The following STK33 variants were observed in gnomAD, a reference collection of about 807,000 sequenced individuals.
STK33 encodes the protein serine/threonine-protein kinase 33.
In STK33, 52 loss-of-function variants were observed where a neutral mutation model predicts 58.0. The ratio of observed to expected loss-of-function variants is 0.90; its 90% CI spans 0.72 to 1.13. The LOEUF is 1.13. Among genes scored for constraint, STK33 ranks in the 50% most tolerant of loss-of-function variants. STK33 has a pLI of 0.00. For synonymous variants in STK33, 215 were observed against 200.1 expected, an observed-to-expected ratio of 1.07 and a Z score of -0.63; for missense variants, 630 against 604.2, an observed-to-expected ratio of 1.04 and a Z score of -0.45.
chr11:8,524,730 A>C (rs1953880695), intron 1 of STK33, among the ~76,000 whole-genome samples: 1 of 152,076 alleles, frequency 6.6e-6, no homozygotes, highest in Admixed American at 6.6e-5. Flanking sequence ...GTTTTGTTTT[A>C]CTTCATTCAC....
the STK33 span, among the ~76,000 whole-genome samples, chr11:8,368,761 A>C: frequency 6.6e-6 from 1 of 151,952 alleles, no homozygotes; most frequent in Non-Finnish European, 1.5e-5. Context: ...ACTTCCCATT[A>C]ATCTCAGGAT....
the STK33 span, among the ~76,000 whole-genome samples, chr11:8,384,229 C>A: frequency 6.6e-6 from 1 of 152,266 alleles, no homozygotes; most frequent in South Asian, 2.1e-4. Flanking sequence ...CAAGGAATAA[C>A]CAGCCAGTGC....
At chr11:8,356,906 G>C in the STK33 span, among the ~76,000 whole-genome samples, 1 of 152,206 alleles carries the variant, frequency 6.6e-6, no homozygotes, top group African/African-American at 2.4e-5. Flanking sequence ...CTGTGCAAGA[G>C]AGACAGGAGC....
At chr11:8,419,705 G>A (rs917724060) in intron 14 of STK33, among the ~76,000 whole-genome samples, 6 of 152,026 alleles carry the variant, frequency 3.9e-5, no homozygotes, top group Non-Finnish European at 7.4e-5. Context: ...TGATTCTTCC[G>A]ATCCATGAGC....
At chr11:8,500,190 C>T (rs932752976) in intron 1 of STK33, among the ~76,000 whole-genome samples, 6 of 151,850 alleles carry the variant, frequency 4.0e-5, no homozygotes, top group African/African-American at 1.5e-4. Flanking sequence ...TACTGGAGGT[C>T]CTACACTACA....
downstream of STK33, among the ~76,000 whole-genome samples, chr11:8,391,248 GA>G (rs1285208072): frequency 6.6e-6 from 1 of 152,194 alleles, no homozygotes; most frequent in Non-Finnish European, 1.5e-5. Context: ...CAAGAAGGGA[GA>G]AAGATCTTGA....
intron 1 of STK33, among the ~76,000 whole-genome samples, chr11:8,482,886 C>A (rs368564556): frequency 2.0e-5 from 3 of 151,800 alleles, no homozygotes; most frequent in Non-Finnish European, 2.9e-5. Context: ...CCCACCACCA[C>A]GCCCAGCTAA....
At chr11:8,464,123 G>C (rs1306001955) in intron 7 of STK33, among the ~76,000 whole-genome samples, 3 of 152,158 alleles carry the variant, frequency 2.0e-5, no homozygotes, top group Non-Finnish European at 4.4e-5. Context: ...TTGATGAAAT[G>C]ATCAGGTGTA....
chr11:8,483,424 T>C lies in STK33; in HGVS notation c.-465-2810A>G, dbSNP rs561737287. ...AAATAAGAGTATTTTCACTGAAGAATAGGCACAAAAGATGGATGGGGTGGA... is the reference window on the plus strand; with the variant it reads ...AAATAAGAGTATTTTCACTGAAGAACAGGCACAAAAGATGGATGGGGTGGA... On this transcript the variant is annotated intron_variant, in intron 1 of 15. Coordinates refer to ENST00000687296, the MANE Select transcript of STK33 (RefSeq NM_001352389.2). Among the ~76,000 whole-genome samples the C allele has an allele frequency of 5.9e-5, 9 of 152,228 alleles. No homozygotes were observed. The East Asian group carries it at 1.5e-3, about 26-fold the overall frequency.
chr11:8,545,222 C>T (rs1045236284), intron 1 of STK33, among the ~76,000 whole-genome samples: 3 of 152,164 alleles, frequency 2.0e-5, no homozygotes, highest in Non-Finnish European at 2.9e-5. Context: ...AAATCCATTA[C>T]CTAGACATGC....
chr11:8,513,587 C>G (rs747912157), intron 1 of STK33, among the ~76,000 whole-genome samples: 2 of 152,178 alleles, frequency 1.3e-5, no homozygotes, highest in Admixed American at 1.3e-4. Flanking sequence ...ATCCTTGCAA[C>G]TTTTTCATCC....
rs762840417 is a variant in STK33 at position 8,454,778 on chromosome 11, A to G, written c.752T>C (p.Ile251Thr). 1.9e-6 allele frequency: 3 copies of G among 1,578,840 alleles called. No individual in the cohort carries two copies. The highest frequency in any genetic ancestry group is 3.6e-5 in the Admixed American group (2 of 56,152). ...LENIMVKSSL[I>T]DDNNEINLNI... ...TAAGTTTATTTCATTGTTATCATCA[A>G]TAAGACTGCTTTTAACCATTATATT... Residue 251 changes from isoleucine (I) to threonine (T), a missense_variant, in exon 10 of 16, where the codon ATT becomes ACT. Transcript: ENST00000687296.
At chr11:8,490,468 T>C (rs1440939301) in intron 1 of STK33, among the ~76,000 whole-genome samples, 3 of 152,170 alleles carry the variant, frequency 2.0e-5, no homozygotes, top group African/African-American at 7.2e-5. Flanking sequence ...GCTGCCTCTG[T>C]AGACTCCACG....
intron 1 of STK33, among the ~76,000 whole-genome samples, chr11:8,555,648 G>A (rs1387185417): frequency 6.6e-6 from 1 of 151,974 alleles, no homozygotes; most frequent in Admixed American, 6.6e-5. Flanking sequence ...CTGGGTGACA[G>A]AGCGAGACTC....
chr11:8,408,273 T>A (rs1033153359), intron 15 of STK33, among the ~76,000 whole-genome samples: 7 of 152,148 alleles, frequency 4.6e-5, no homozygotes, highest in Non-Finnish European at 8.8e-5. Context: ...ACACAATGGG[T>A]TGGTTCTCTA....
chr11:8,487,352 G>A (rs1009393613), intron 1 of STK33, among the ~76,000 whole-genome samples: 3 of 149,686 alleles, frequency 2.0e-5, no homozygotes, highest in Non-Finnish European at 4.4e-5. Flanking sequence ...AGCCCAGGAG[G>A]TCAAGCCTGC....
intron 1 of STK33, among the ~76,000 whole-genome samples, chr11:8,517,044 C>T (rs992657663): frequency 3.3e-5 from 5 of 152,182 alleles, no homozygotes; most frequent in African/African-American, 1.2e-4. Context: ...TCAAGTGGGT[C>T]CCTGACCCCT....
At chr11:8,591,142 C>T (rs987668386) in intron 1 of STK33, among the ~76,000 whole-genome samples, 2 of 152,158 alleles carry the variant, frequency 1.3e-5, no homozygotes, top group African/African-American at 4.8e-5. Context: ...TCAGTTCAAA[C>T]AACTGTCAGA....
chr11:8,397,161 C>T (rs1289474071), intron 15 of STK33, among the ~76,000 whole-genome samples: 1 of 152,238 alleles, frequency 6.6e-6, no homozygotes, highest in Non-Finnish European at 1.5e-5. Context: ...GACAGACTGC[C>T]TCCTCAAGTG....
Sources: allele counts gnomAD v4.1 joint callset (sites outside exome capture counted in the v4.1 genomes callset), GRCh38; gene constraint gnomAD v4.1.1; transcripts MANE v1.5; gene names NCBI Gene and HGNC (gene_info 2026-07-23, HGNC 2026-07-21).